The following EPS15 variants were observed in gnomAD, a reference collection of about 807,000 sequenced individuals.
EPS15 encodes epidermal growth factor receptor substrate 15.
A neutral mutation model predicts 113.8 loss-of-function variants in EPS15; 72 were observed. The observed-to-expected ratio is 0.63, with a 90% CI of 0.52 to 0.77. EPS15 has a LOEUF of 0.77. Among genes scored for constraint, EPS15 ranks in the 30% least tolerant of loss-of-function variants. The pLI, the probability that EPS15 is intolerant of heterozygous loss-of-function variation, is 0.00. For synonymous variants in EPS15, 344 were observed against 363.4 expected (o/e 0.95, Z 0.61); for missense variants, 1,048 against 1,045.8 (o/e 1.00, Z -0.03).
chr1:51,390,206 C>A (rs1225139402), intron 21 of EPS15, among the ~76,000 whole-genome samples: 1 of 152,084 alleles, frequency 6.6e-6, no homozygotes, highest in Non-Finnish European at 1.5e-5. Context: ...GAAAAACAAG[C>A]AATGAGGAAA....
chr1:51,507,144 TAC>T (rs1390535083), intron 1 of EPS15, among the ~76,000 whole-genome samples: 1 of 152,198 alleles, frequency 6.6e-6, no homozygotes, highest in Non-Finnish European at 1.5e-5. Flanking sequence ...CTCAAATGTA[TAC>T]ATAGAAAAAT....
At chr1:51,420,409 C>A (rs1157626264) in intron 13 of EPS15, among the ~76,000 whole-genome samples, 1 of 152,100 alleles carries the variant, frequency 6.6e-6, no homozygotes, top group African/African-American at 2.4e-5. Context: ...ATCACAAGAA[C>A]CTATGTACTT....
chr1:51,515,975 CG>C (rs2148572539), intron 1 of EPS15, among the ~76,000 whole-genome samples: 1 of 151,714 alleles, frequency 6.6e-6, no homozygotes, highest in East Asian at 1.9e-4. Context: ...GGGATATGGG[CG>C]TTAGGGAGTA....
chr1:51,364,591 C>T (rs1646465666), intron 22 of EPS15, among the ~76,000 whole-genome samples: 1 of 151,930 alleles, frequency 6.6e-6, no homozygotes, highest in African/African-American at 2.4e-5. Context: ...AACCCCTGGG[C>T]TCTAGGGATC....
chr1:51,394,512 A>C (rs1647719811), intron 20 of EPS15, 65 bp from the exon 21 acceptor site: 1 of 867,740 alleles, frequency 1.2e-6, no homozygotes, highest in Non-Finnish European at 1.8e-6. Flanking sequence ...CCTCATCACC[A>C]CTCCAAAGAA....
At chr1:51,416,834 A>T (rs916939808) in intron 13 of EPS15, among the ~76,000 whole-genome samples, 1 of 150,466 alleles carries the variant, frequency 6.6e-6, no homozygotes, top group Non-Finnish European at 1.5e-5. Flanking sequence ...TCAGTAATAT[A>T]TTTTATATAT....
intron 1 of EPS15, among the ~76,000 whole-genome samples, chr1:51,486,423 C>T (rs1228533690): frequency 6.0e-5 from 1 of 16,658 alleles, no homozygotes; most frequent in African/African-American, 1.9e-4. Context: ...GAGACTGCAT[C>T]TCAAAAAAAA....
chr1:51,440,982 AATACCATCAT>A (rs1557472333), intron 11 of EPS15, among the ~76,000 whole-genome samples: 2 of 152,092 alleles, frequency 1.3e-5, no homozygotes, highest in Non-Finnish European at 2.9e-5. Context: ...AATAAATATT[AATACCATCAT>A]ATATGAAACT....
intron 13 of EPS15, among the ~76,000 whole-genome samples, chr1:51,417,563 C>T (rs1650362190): frequency 6.6e-6 from 1 of 152,164 alleles, no homozygotes; most frequent in African/African-American, 2.4e-5. Flanking sequence ...CACATCACAC[C>T]AAGCTAACAC....
At position 51,364,997 on chromosome 1, in the gene EPS15, T is replaced by C. The variant is rs546927688; in HGVS notation, c.2196+956A>G. 3.3e-5 allele frequency among the ~76,000 whole-genome samples: 5 copies of C among 151,952 alleles called. No individual in the cohort carries two copies. In the South Asian group the frequency reaches 1.0e-3, roughly 32 times the overall value. On this transcript the variant is annotated intron_variant, in intron 22 of 24. Coordinates refer to ENST00000371733, the MANE Select transcript of EPS15 (RefSeq NM_001981.3). Reference sequence around the variant, plus strand: ...GGTGCGTGCCGGCATGCCTGACCAATTTTTTGTGTTTTTTGGTCAAGACGA... The same window carrying C: ...GGTGCGTGCCGGCATGCCTGACCAACTTTTTGTGTTTTTTGGTCAAGACGA...
chr1:51,512,469 A>G (rs1644637952), intron 1 of EPS15, among the ~76,000 whole-genome samples: 1 of 152,184 alleles, frequency 6.6e-6, no homozygotes, highest in African/African-American at 2.4e-5. Context: ...ATATTTCTAC[A>G]TAATCAAAAA....
intron 1 of EPS15, among the ~76,000 whole-genome samples, chr1:51,506,667 T>G (rs1644503645): frequency 6.6e-6 from 1 of 151,770 alleles, no homozygotes; most frequent in Non-Finnish European, 1.5e-5. Context: ...ACCAGGACAT[T>G]TCAAGCAAGT....
chr1:51,365,521 T>G (rs1334576854), intron 22 of EPS15, among the ~76,000 whole-genome samples: 1 of 152,194 alleles, frequency 6.6e-6, no homozygotes, highest in African/African-American at 2.4e-5. Context: ...CATTTAGTAC[T>G]GGACTTTGTG....
At chr1:51,463,362 C>CTGA (rs1654619716) in intron 7 of EPS15, 2 of 181,466 alleles carry the variant, frequency 1.1e-5, no homozygotes, top group African/African-American at 4.7e-5. Flanking sequence ...ACATAAAATA[C>CTGA]TGATGGTCTC....
chr1:51,491,760 G>A (rs1027523948), intron 1 of EPS15, among the ~76,000 whole-genome samples: 1 of 152,104 alleles, frequency 6.6e-6, no homozygotes, highest in Admixed American at 6.5e-5. Context: ...GAACTGGAGA[G>A]GGTGGGGAGT....
chr1:51,370,204 G>C (rs1646611928), intron 21 of EPS15, among the ~76,000 whole-genome samples: 1 of 152,114 alleles, frequency 6.6e-6, no homozygotes, highest in South Asian at 2.1e-4. Context: ...CATTACTCAT[G>C]TGTTTGTGGT....
intron 12 of EPS15, among the ~76,000 whole-genome samples, chr1:51,426,837 C>CTCTCTCTA (rs377211027): frequency 0.011 from 1,587 of 143,576 alleles, 11 homozygotes; most frequent in Middle Eastern, 0.021. Context: ...CTCTCTCTCT[C>CTCTCTCTA]TATATATATA....
chr1:51,380,560 TGAG>T (rs1477364719), intron 21 of EPS15, among the ~76,000 whole-genome samples: 1 of 151,742 alleles, frequency 6.6e-6, no homozygotes, highest in Non-Finnish European at 1.5e-5. Flanking sequence ...TAAAAGGAAA[TGAG>T]GAGGGAATAA....
At chr1:51,385,772 C>T (rs574108377) in intron 21 of EPS15, among the ~76,000 whole-genome samples, 84 of 152,158 alleles carry the variant, frequency 5.5e-4, no homozygotes, top group South Asian at 4.8e-3. Context: ...ACCTTGAGGA[C>T]ATTATGGTAA....
Sources: gnomAD v4.1 joint callset for allele counts (sites outside exome capture counted in the v4.1 genomes callset) on GRCh38, gnomAD v4.1.1 for gene constraint, MANE v1.5 for transcripts, NCBI Gene and HGNC (gene_info 2026-07-23, HGNC 2026-07-21) for gene names.